CPNE4: variants seen among roughly 807,000 people sequenced by gnomAD.
The protein encoded by CPNE4 is copine 4, also known as copine-4.
In CPNE4, 25 loss-of-function variants were observed where a neutral mutation model predicts 67.9. The observed-to-expected ratio is 0.37, with a 90% CI of 0.27 to 0.51. The LOEUF (loss-of-function observed/expected upper bound fraction) is 0.51. Among genes scored for constraint, CPNE4 ranks in the 20% least tolerant of loss-of-function variants. The probability of loss-of-function intolerance (pLI) is 0.93; values close to 1 mark genes in which losing one functional copy is unlikely to be tolerated. For synonymous variants in CPNE4, 242 were observed against 244.9 expected (o/e 0.99, Z 0.11); for missense variants, 464 against 690.8 (o/e 0.67, Z 3.68).
Position 131,575,055 on chromosome 3 carries a change from CA to C in CPNE4, c.927+15del. 1.2e-6 allele frequency: 2 copies of C among 1,608,704 alleles called. No individual in the cohort carries two copies. The highest frequency in any genetic ancestry group is 2.7e-5 in the African/African-American group (2 of 74,906). ...TCCTGAATAAGAATCAAGGAATCAA[CA>C]TGAAAACAACTTACTGTAAACTGGA... On this transcript the variant is annotated intron_variant, in intron 10 of 15. Coordinates refer to ENST00000429747, the MANE Select transcript of CPNE4 (RefSeq NM_130808.3).
intron 7 of CPNE4, among the ~76,000 whole-genome samples, chr3:131,591,199 G>A (rs1424847855): frequency 1.3e-5 from 2 of 152,134 alleles, no homozygotes; most frequent in Non-Finnish European, 2.9e-5. Flanking sequence ...CTGGGCCCTT[G>A]TATTTGAGGC....
At chr3:131,761,571 A>G (rs891188404) in intron 2 of CPNE4, among the ~76,000 whole-genome samples, 10 of 152,214 alleles carry the variant, frequency 6.6e-5, no homozygotes, top group South Asian at 2.1e-4. Context: ...GCTTTTATCA[A>G]TTGGCAGAGG....
intron 1 of CPNE4, among the ~76,000 whole-genome samples, chr3:131,953,239 T>TAAAAAAA (rs1167094357): frequency 9.3e-5 from 9 of 97,136 alleles, no homozygotes; most frequent in East Asian, 3.7e-4. Context: ...AATGATCAAT[T>TAAAAAAA]AAAAAAAAAA....
intron 1 of CPNE4, among the ~76,000 whole-genome samples, chr3:131,942,120 A>G (rs923272496): frequency 4.6e-5 from 7 of 152,108 alleles, no homozygotes; most frequent in African/African-American, 1.7e-4. Context: ...TAAAAATGTT[A>G]CCGTTAAACT....
At chr3:131,941,202 ATACT>A (rs1425678236) in intron 1 of CPNE4, among the ~76,000 whole-genome samples, 1 of 152,094 alleles carries the variant, frequency 6.6e-6, no homozygotes, top group African/African-American at 2.4e-5. Flanking sequence ...ACCATTAATA[ATACT>A]TAAACTATAA....
chr3:131,907,031 C>G (rs1376744741), intron 1 of CPNE4, among the ~76,000 whole-genome samples: 1 of 151,950 alleles, frequency 6.6e-6, no homozygotes, highest in Non-Finnish European at 1.5e-5. Flanking sequence ...ACAACCCCAT[C>G]AAAAAGGGGG....
chr3:131,888,399 G>A (rs2087977427), intron 2 of CPNE4, among the ~76,000 whole-genome samples: 1 of 136,782 alleles, frequency 7.3e-6, no homozygotes, highest in South Asian at 2.2e-4. Context: ...ACTAGTCTTT[G>A]GGTTAAAAAA....
At chr3:131,664,618 A>G (rs1425749404) in intron 7 of CPNE4, among the ~76,000 whole-genome samples, 1 of 152,184 alleles carries the variant, frequency 6.6e-6, no homozygotes, top group East Asian at 1.9e-4. Context: ...TTCTTTTCTA[A>G]TAAGTATAAT....
chr3:131,901,188 ACTGT>A (rs754687423), intron 2 of CPNE4, among the ~76,000 whole-genome samples: 11 of 152,084 alleles, frequency 7.2e-5, no homozygotes, highest in Non-Finnish European at 1.5e-4. Flanking sequence ...TTGCCTTCTG[ACTGT>A]CTAAGAAGTG....
At chr3:131,564,139 T>C (rs1936933968) in intron 11 of CPNE4, 77 bp downstream of exon 11, 10 of 1,567,338 alleles carry the variant, frequency 6.4e-6, no homozygotes, top group Non-Finnish European at 8.8e-6. Context: ...ATTTCCACTT[T>C]CTGCCCAGGA....
intron 2 of CPNE4, among the ~76,000 whole-genome samples, chr3:131,836,503 A>G (rs563076589): frequency 6.8e-4 from 103 of 152,348 alleles, no homozygotes; most frequent in African/African-American, 2.4e-3. Context: ...CTAACATTAT[A>G]TTTAATGGTG....
chr3:131,921,655 T>G (rs924334393), intron 1 of CPNE4, among the ~76,000 whole-genome samples: 2 of 152,182 alleles, frequency 1.3e-5, no homozygotes, highest in Non-Finnish European at 2.9e-5. Context: ...ATCTGCAGAA[T>G]AGAACTAATA....
intron 7 of CPNE4, among the ~76,000 whole-genome samples, chr3:131,645,094 G>T (rs932836813): frequency 3.9e-5 from 6 of 152,192 alleles, no homozygotes; most frequent in Admixed American, 6.5e-5. Flanking sequence ...AAATGGTTCT[G>T]CAAACTGAAA....
chr3:131,594,395 A>G (rs1938719796), intron 7 of CPNE4, among the ~76,000 whole-genome samples: 2 of 152,340 alleles, frequency 1.3e-5, no homozygotes, highest in Middle Eastern at 3.4e-3. Context: ...AACCAAAACT[A>G]TTCATATATA....
At chr3:131,591,929 G>A (rs1938554314) in intron 7 of CPNE4, among the ~76,000 whole-genome samples, 1 of 152,168 alleles carries the variant, frequency 6.6e-6, no homozygotes, top group South Asian at 2.1e-4. Flanking sequence ...ACATCTGTGA[G>A]AGCATAGCAC....
intron 7 of CPNE4, among the ~76,000 whole-genome samples, chr3:131,602,705 G>T (rs1939275274): frequency 6.6e-6 from 1 of 152,156 alleles, no homozygotes; most frequent in Non-Finnish European, 1.5e-5. Flanking sequence ...GGCTTTGACA[G>T]TGATTTATGC....
chr3:131,820,339 C>T (rs866268505), intron 2 of CPNE4, among the ~76,000 whole-genome samples: 2 of 152,218 alleles, frequency 1.3e-5, no homozygotes, highest in African/African-American at 4.8e-5. Flanking sequence ...CATGGCCTGA[C>T]AGAGCTGTCT....
intron 1 of CPNE4, among the ~76,000 whole-genome samples, chr3:132,030,136 C>T (rs2074206282): frequency 1.3e-5 from 2 of 152,206 alleles, no homozygotes; most frequent in Admixed American, 6.5e-5. Flanking sequence ...TCATCCCTAA[C>T]TCATACTTAA....
At position 131,806,544 on chromosome 3, in the gene CPNE4, C is replaced by T. The variant is rs542629226; in HGVS notation, c.181-82919G>A. 3.2e-3 allele frequency among the ~76,000 whole-genome samples: 418 copies of T among 130,454 alleles called. 2 individuals carry two copies. Among genetic ancestry groups the T allele is most frequent in the African/African-American group, 0.012 (388 of 32,406 alleles). The allele number at this position is 130,454 out of a possible 152,430, so 85.6% of individuals were successfully genotyped here. Reference sequence around the variant, plus strand: ...CAGCCTGGGTGACAGAGTGAGACTCCGTCTCAAAAAAAAAAAAAAAAAAAA... The same window carrying T: ...CAGCCTGGGTGACAGAGTGAGACTCTGTCTCAAAAAAAAAAAAAAAAAAAA... On this transcript the variant is annotated intron_variant, in intron 2 of 15. Coordinates refer to ENST00000429747, the MANE Select transcript of CPNE4 (RefSeq NM_130808.3).
Sources: gnomAD v4.1 joint callset for allele counts (sites outside exome capture counted in the v4.1 genomes callset) on GRCh38, gnomAD v4.1.1 for gene constraint, MANE v1.5 for transcripts, NCBI Gene and HGNC (gene_info 2026-07-23, HGNC 2026-07-21) for gene names.